The following SPATA9 variants were observed in gnomAD, a reference collection of about 807,000 sequenced individuals.
SPATA9 encodes the protein spermatogenesis associated 9.
Under a neutral mutation model 25.5 loss-of-function variants are expected in SPATA9, and 27 were observed. The observed-to-expected ratio is 1.06, with a 90% CI of 0.78 to 1.46. SPATA9 has a LOEUF of 1.46. Among genes scored for constraint, SPATA9 ranks in the 40% most tolerant of loss-of-function variants. The pLI is 0.00. For missense variants in SPATA9, 282 were observed against 297.5 expected (o/e 0.95, Z 0.38); for synonymous variants, 102 against 105.7 (o/e 0.97, Z 0.21).
At chr5:95,719,022 A>G in the SPATA9 span, among the ~76,000 whole-genome samples, 1 of 152,318 alleles carries the variant, frequency 6.6e-6, no homozygotes, top group Admixed American at 6.5e-5. Flanking sequence ...AAGGAGGTAT[A>G]AAGTGGAGGG....
chr5:95,675,079 A>T (rs1422133), intron 3 of SPATA9, among the ~76,000 whole-genome samples: 57,443 of 152,128 alleles, frequency 0.38, 11,029 homozygotes, highest in Non-Finnish European at 0.41. Context: ...CCTTGGAAAC[A>T]TAACAAAGTT....
chr5:95,656,550 G>T, downstream of SPATA9: 1 of 343,998 alleles, frequency 2.9e-6, no homozygotes, highest in Non-Finnish European at 5.2e-6. Context: ...TTATAGGTTT[G>T]GGATGTTCTG....
chr5:95,703,203 A>T (rs1416042097), upstream of SPATA9, among the ~76,000 whole-genome samples: 1 of 152,254 alleles, frequency 6.6e-6, no homozygotes, highest in Non-Finnish European at 1.5e-5. Flanking sequence ...GAAAATGGCA[A>T]AGAACTTATA....
At chr5:95,723,640 A>G in the SPATA9 span, among the ~76,000 whole-genome samples, 1 of 152,208 alleles carries the variant, frequency 6.6e-6, no homozygotes, top group African/African-American at 2.4e-5. Flanking sequence ...AGTTAAAACA[A>G]TACAAATACA....
At chr5:95,720,187 G>A in the SPATA9 span, among the ~76,000 whole-genome samples, 1 of 152,112 alleles carries the variant, frequency 6.6e-6, no homozygotes, top group South Asian at 2.1e-4. Context: ...TAAAGTTTCT[G>A]GACTTGCAAA....
chr5:95,690,164 T>C lies in SPATA9; in HGVS notation n.124+8424A>G, dbSNP rs150266426. Among the ~76,000 whole-genome samples the C allele has an allele frequency of 6.6e-3, 1,005 of 152,004 alleles. 10 individuals are homozygous for C. Among genetic ancestry groups the C allele is most frequent in the Non-Finnish European group, 6.5e-3 (440 of 67,958 alleles). ...TTTACCTATATAGCAAACCTACACA[T>C]GAACTGCTAAAATAAAAGTTAAAAA... On this transcript the variant is annotated intron_variant and non_coding_transcript_variant, in intron 1 of 2. Transcript: ENST00000379990.
chr5:95,731,409 C>T, the SPATA9 span: 5 of 1,186,672 alleles, frequency 4.2e-6, no homozygotes, highest in African/African-American at 4.8e-5. Flanking sequence ...CCACTTGGGG[C>T]TGTGCGGCGG....
chr5:95,708,825 G>A, the SPATA9 span: 6 of 567,318 alleles, frequency 1.1e-5, no homozygotes, highest in South Asian at 6.1e-5. Context: ...TAGTGTTGAC[G>A]AATACACGTC....
At chr5:95,731,854 T>A in the SPATA9 span, 2 of 1,611,682 alleles carry the variant, frequency 1.2e-6, no homozygotes, top group Non-Finnish European at 1.7e-6. Context: ...CCTCTGTCCG[T>A]GCAGGTCCAT....
upstream of SPATA9, among the ~76,000 whole-genome samples, chr5:95,701,976 T>C (rs557167006): frequency 3.3e-5 from 5 of 152,326 alleles, no homozygotes. Context: ...TGAACAAAAG[T>C]TAATGGAGTA....
At chr5:95,661,391 A>G (rs1264275595) in intron 4 of SPATA9, among the ~76,000 whole-genome samples, 2 of 152,092 alleles carry the variant, frequency 1.3e-5, no homozygotes, top group Non-Finnish European at 2.9e-5. Flanking sequence ...CAAAATTGTA[A>G]CCTGACCTCT....
the SPATA9 span, chr5:95,731,125 A>T: frequency 7.6e-6 from 8 of 1,047,370 alleles, no homozygotes; most frequent in Non-Finnish European, 9.3e-6. Context: ...TGTATTTATT[A>T]ATTTATATTC....
chr5:95,723,594 T>C, the SPATA9 span, among the ~76,000 whole-genome samples: 3 of 152,228 alleles, frequency 2.0e-5, no homozygotes, highest in Non-Finnish European at 4.4e-5. Flanking sequence ...TTTATAAATT[T>C]TGTGTAAATT....
chr5:95,658,591 A>G lies in SPATA9; in HGVS notation c.*32T>C. Reference sequence around the variant, plus strand: ...AGATGAAATGTGCCATTAAATAGATAACTCTTAAGTTCTGTTCAGTGATAC... The same window carrying G: ...AGATGAAATGTGCCATTAAATAGATGACTCTTAAGTTCTGTTCAGTGATAC... On this transcript the variant is annotated 3_prime_UTR_variant, in exon 5 of 5. Coordinates refer to ENST00000274432, the MANE Select transcript of SPATA9 (RefSeq NM_031952.4). 1 of 1,570,444 alleles carries G rather than the reference A, an allele frequency of 6.4e-7. No homozygotes were observed. The highest frequency in any genetic ancestry group is 8.6e-7 in the Non-Finnish European group (1 of 1,160,246).
the SPATA9 span, among the ~76,000 whole-genome samples, chr5:95,717,947 G>A: frequency 3.9e-5 from 6 of 152,034 alleles, no homozygotes; most frequent in East Asian, 1.9e-4. Context: ...TGTATATTTT[G>A]TAATTTAAAA....
chr5:95,699,894 C>A (rs1754134991), upstream of SPATA9, among the ~76,000 whole-genome samples: 1 of 152,176 alleles, frequency 6.6e-6, no homozygotes, highest in Admixed American at 6.5e-5. Context: ...TGAAAGCCTA[C>A]TTTGTGTCAG....
downstream of SPATA9, chr5:95,655,866 A>G (rs933355463): frequency 3.5e-6 from 2 of 576,438 alleles, no homozygotes; most frequent in Admixed American, 3.3e-5. Flanking sequence ...ATCAACTGTA[A>G]AAGAGCTTGA....
chr5:95,717,705 G>C, the SPATA9 span: 1 of 152,268 alleles, frequency 6.6e-6, no homozygotes, highest in Non-Finnish European at 1.5e-5. Context: ...CCAGTGGATG[G>C]AGCAGGATGG....
At chr5:95,670,083 G>T (rs1037140703) in intron 3 of SPATA9, among the ~76,000 whole-genome samples, 3 of 152,116 alleles carry the variant, frequency 2.0e-5, no homozygotes, top group African/African-American at 7.2e-5. Context: ...CATTCCTGCC[G>T]GTTGGGTCTT....
Sources: allele counts gnomAD v4.1 joint callset (sites outside exome capture counted in the v4.1 genomes callset), GRCh38; gene constraint gnomAD v4.1.1; transcripts MANE v1.5; gene names NCBI Gene and HGNC (gene_info 2026-07-23, HGNC 2026-07-21).